RPS3: variants seen among roughly 807,000 people sequenced by gnomAD.
RPS3 encodes ribosomal protein S3.
A neutral mutation model predicts 25.8 loss-of-function variants in RPS3; 2 were observed. The ratio of observed to expected loss-of-function variants is 0.08; its 90% CI spans 0.03 to 0.24. The LOEUF is 0.24. Among genes scored for constraint, RPS3 ranks in the 10% least tolerant of loss-of-function variants. The pLI is 1.00. For missense variants in RPS3, 107 were observed against 307.1 expected (o/e 0.35, Z 4.87); for synonymous variants, 114 against 114.2 (o/e 1.00, Z 0.01).
Position 75,399,568 on chromosome 11 carries a change from G to C in RPS3, c.21G>C (p.Lys7Asn). 1 of 1,613,946 alleles carries C rather than the reference G, an allele frequency of 6.2e-7. No homozygotes were observed. Among genetic ancestry groups the C allele is most frequent in the Non-Finnish European group, 8.5e-7 (1 of 1,179,908 alleles). ...GCAAGATGGCAGTGCAAATATCCAA[G>C]AAGAGGAAGGTGAGCCTCTGGGGAC... is the stretch of plus-strand genomic sequence containing the variant. MAVQIS[K>N]KRKFVADGIF... Residue 7 changes from lysine to asparagine, a missense_variant, in exon 1 of 7, where the codon AAG (lysine) becomes AAC (asparagine). Transcript: ENST00000531188.
chr11:75,419,388 T>C (rs530882580), intron 6 of RPS3, among the ~76,000 whole-genome samples: 1 of 152,124 alleles, frequency 6.6e-6, no homozygotes, highest in African/African-American at 2.4e-5. Context: ...ACCCTGTCTC[T>C]ACTAAAAATA....
chr11:75,402,083 G>A (rs1230300870), intron 3 of RPS3: 1 of 561,158 alleles, frequency 1.8e-6, no homozygotes, highest in South Asian at 2.1e-5. Flanking sequence ...ATTATATGCT[G>A]TATATGATGG....
At chr11:75,410,308 C>T (rs1370259861), downstream of RPS3, among the ~76,000 whole-genome samples, 2 of 151,518 alleles carry the variant, frequency 1.3e-5, no homozygotes, top group African/African-American at 4.9e-5. Flanking sequence ...CCTCACTTCT[C>T]AGACGGGGCG....
At chr11:75,400,967 C>G (rs1287797661) in intron 2 of RPS3, 143 bp downstream of exon 2, 1 of 1,241,466 alleles carries the variant, frequency 8.1e-7, no homozygotes, top group African/African-American at 1.6e-5. Flanking sequence ...ACTGCAAGCT[C>G]CGCCTCCCGG....
chr11:75,410,869 G>A (rs573202184), downstream of RPS3, among the ~76,000 whole-genome samples: 1 of 152,186 alleles, frequency 6.6e-6, no homozygotes. Context: ...GCCTGCAATC[G>A]CAGGCACTCT....
downstream of RPS3, among the ~76,000 whole-genome samples, chr11:75,409,809 G>A (rs1329300797): frequency 2.2e-5 from 3 of 138,754 alleles, no homozygotes; most frequent in South Asian, 2.2e-4. Flanking sequence ...CTGGCTGGGC[G>A]GGGGGCTGAC....
At chr11:75,400,292 C>T (rs952614190) in intron 1 of RPS3, 2 of 480,156 alleles carry the variant, frequency 4.2e-6, no homozygotes, top group African/African-American at 2.0e-5. Flanking sequence ...ACTATCTATT[C>T]CTTAACAGTG....
rs1393333114 is a variant in RPS3 at position 75,405,756 on chromosome 11, C to A, written c.*146C>A. 3 of 422,756 alleles carry A rather than the reference C, an allele frequency of 7.1e-6. No homozygotes were observed. Among genetic ancestry groups the A allele is most frequent in the South Asian group, 5.2e-5 (3 of 58,180 alleles). The allele number at this position is 422,756 out of a possible 1,614,324, so 26.2% of individuals were successfully genotyped here. A position where few individuals can be genotyped will look rare whatever the true frequency, so the allele number is the denominator to read the frequency against. ...TGTTGGCCTCTGGAGCATTACATAT[C>A]TTCTTGGTTTTAACCATACTTGTGG... is the stretch of plus-strand genomic sequence containing the variant. On this transcript the variant is annotated 3_prime_UTR_variant, in exon 7 of 7. Coordinates refer to ENST00000531188, the MANE Select transcript of RPS3 (RefSeq NM_001005.5).
chr11:75,399,896 A>G (rs1304869860), intron 1 of RPS3: 7 of 482,486 alleles, frequency 1.5e-5, no homozygotes, highest in African/African-American at 1.2e-4. Context: ...CATTTCCCTC[A>G]TGTCTTATCC....
chr11:75,418,194 G>A (rs969845512), intron 6 of RPS3, among the ~76,000 whole-genome samples: 11 of 152,232 alleles, frequency 7.2e-5, no homozygotes, highest in Non-Finnish European at 1.2e-4. Context: ...TGCTGCCCCT[G>A]GCCCCAGATT....
At chr11:75,401,528 C>G (rs1213936477) in intron 2 of RPS3, 112 bp from the exon 3 acceptor site, 1 of 769,740 alleles carries the variant, frequency 1.3e-6, no homozygotes, top group African/African-American at 1.8e-5. Flanking sequence ...TAGTTTTTGT[C>G]AATGAAAATT....
intron 4 of RPS3, 120 bp from the exon 5 acceptor site, chr11:75,403,900 G>A (rs1464024330): frequency 6.7e-6 from 6 of 892,430 alleles, no homozygotes; most frequent in Non-Finnish European, 6.8e-6. Flanking sequence ...TCTTGGGGCC[G>A]GACTCTGGTC....
At chr11:75,403,835 C>T (rs1284453187) in intron 4 of RPS3, 185 bp from the exon 5 acceptor site, 5 of 569,666 alleles carry the variant, frequency 8.8e-6, no homozygotes, top group Non-Finnish European at 1.5e-5. Flanking sequence ...GCTTGACATA[C>T]TTGATGAATA....
At chr11:75,410,651 T>C (rs1205506850), downstream of RPS3, among the ~76,000 whole-genome samples, 1 of 152,154 alleles carries the variant, frequency 6.6e-6, no homozygotes, top group African/African-American at 2.4e-5. Context: ...TGGGAGGTGG[T>C]TGTAGCGAGC....
chr11:75,400,309 A>ACAGTG, intron 1 of RPS3: 1 of 503,258 alleles, frequency 2.0e-6, no homozygotes, highest in East Asian at 5.5e-5. Context: ...AGTGACAAGT[A>ACAGTG]CAGTGTCTTT....
downstream of RPS3, among the ~76,000 whole-genome samples, chr11:75,411,059 G>T (rs779438193): frequency 6.6e-6 from 1 of 152,006 alleles, no homozygotes; most frequent in Non-Finnish European, 1.5e-5. Flanking sequence ...TGTATTTTTC[G>T]TAGAGATGGG....
rs987444547 is a variant in RPS3, at chr11:75,416,057, TAAAG to T, written c.*4-5666_*4-5663del. On this transcript the variant is annotated intron_variant, in intron 6 of 6. Coordinates refer to the RPS3 transcript ENST00000527446. Reference sequence around the variant, plus strand: ...AGGATAACATGGCTAAGAGAAAAATTAAAGAAAACCCCAGCTATTCAAGCCCGAC... The same window carrying T: ...AGGATAACATGGCTAAGAGAAAAATTAAAACCCCAGCTATTCAAGCCCGAC... Among the ~76,000 whole-genome samples the T allele has an allele frequency of 6.6e-5, 10 of 150,946 alleles. 1 individual carries two copies. Among genetic ancestry groups the T allele is most frequent in the South Asian group, 4.2e-4 (2 of 4,794 alleles).
intron 6 of RPS3, chr11:75,405,181 A>G (rs1003991324): frequency 9.6e-6 from 2 of 208,482 alleles, no homozygotes; most frequent in East Asian, 1.2e-4. Context: ...TGTTCAAGCA[A>G]TTCTCCTGTC....
Position 75,413,066 on chromosome 11 carries a change from C to T in RPS3, c.*3+8198C>T, listed in dbSNP as rs146186994. ...GGGGTTACAGGCATGAGCCACCATG[C>T]CTGTCCTGTTTTTATTTCAACCTGT... On this transcript the variant is annotated intron_variant, in intron 6 of 6. Coordinates refer to the RPS3 transcript ENST00000527446. 1.8e-3 allele frequency among the ~76,000 whole-genome samples: 271 copies of T among 152,228 alleles called. 4 individuals carry two copies. The East Asian group carries it at 0.035, about 20-fold the overall frequency.
Sources: gnomAD v4.1 joint callset for allele counts (sites outside exome capture counted in the v4.1 genomes callset) on GRCh38, gnomAD v4.1.1 for gene constraint, MANE v1.5 for transcripts, NCBI Gene and HGNC (gene_info 2026-07-23, HGNC 2026-07-21) for gene names.